Variants in FAXC observed in about 807,000 individuals in gnomAD.
The protein encoded by FAXC is failed axon connections homolog, metaxin like GST domain containing, also known as failed axon connections homolog.
A neutral mutation model predicts 41.9 loss-of-function variants in FAXC; 10 were observed. The ratio of observed to expected loss-of-function variants is 0.24; its 90% CI spans 0.15 to 0.41. FAXC has a LOEUF of 0.41. FAXC is among the 10% of genes least tolerant of loss of function. The pLI is 1.00. For missense variants in FAXC, 399 were observed against 510.9 expected (o/e 0.78, Z 2.11); for synonymous variants, 183 against 183.8 (o/e 1.00, Z 0.03).
intron 2 of FAXC, among the ~76,000 whole-genome samples, chr6:99,334,904 T>C (rs1582682109): frequency 6.6e-6 from 1 of 152,156 alleles, no homozygotes. Flanking sequence ...GTCTCCTAAT[T>C]CCAGCTACCC....
At chr6:99,329,317 T>C (rs571530748) in intron 3 of FAXC, among the ~76,000 whole-genome samples, 2 of 152,250 alleles carry the variant, frequency 1.3e-5, no homozygotes, top group African/African-American at 4.8e-5. Context: ...TGTTTACAGG[T>C]GAACAAGAAA....
intron 4 of FAXC, among the ~76,000 whole-genome samples, chr6:99,311,097 T>C (rs1231812040): frequency 6.6e-6 from 1 of 152,256 alleles, no homozygotes; most frequent in Admixed American, 6.5e-5. Flanking sequence ...TAACAATGGA[T>C]GTAGAGTAGT....
chr6:99,309,360 T>C (rs939425971), intron 4 of FAXC, among the ~76,000 whole-genome samples: 3 of 152,206 alleles, frequency 2.0e-5, no homozygotes, highest in Non-Finnish European at 4.4e-5. Context: ...CTGTCAGAAT[T>C]GTAGCAATCC....
At chr6:99,328,308 A>C (rs748441852) in intron 3 of FAXC, among the ~76,000 whole-genome samples, 1 of 152,214 alleles carries the variant, frequency 6.6e-6, no homozygotes, top group Admixed American at 6.5e-5. Flanking sequence ...ATAAGGGCAG[A>C]GCCCTCATAA....
At chr6:99,293,950 T>C (rs1256085404) in intron 4 of FAXC, among the ~76,000 whole-genome samples, 1 of 151,846 alleles carries the variant, frequency 6.6e-6, no homozygotes, top group East Asian at 1.9e-4. Flanking sequence ...GAGGGGGAAA[T>C]GGCTGGAGGT....
chr6:99,344,435 A>AG (rs1773526558), intron 1 of FAXC, among the ~76,000 whole-genome samples: 4 of 151,916 alleles, frequency 2.6e-5, no homozygotes, highest in Admixed American at 1.3e-4. Context: ...CCTTCTTTCT[A>AG]CCTAAGCAAG....
chr6:99,314,147 AC>A (rs1001629688), intron 4 of FAXC, among the ~76,000 whole-genome samples: 4 of 152,062 alleles, frequency 2.6e-5, no homozygotes, highest in Admixed American at 6.6e-5. Context: ...AACTATAGAC[AC>A]GTGCCCCCAC....
chr6:99,314,148 C>T (rs1383931655), intron 4 of FAXC, among the ~76,000 whole-genome samples: 2 of 152,058 alleles, frequency 1.3e-5, no homozygotes, highest in East Asian at 1.9e-4. Context: ...ACTATAGACA[C>T]GTGCCCCCAC....
chr6:99,302,049 G>A (rs1054268200), intron 4 of FAXC, among the ~76,000 whole-genome samples: 10 of 152,346 alleles, frequency 6.6e-5, no homozygotes, highest in East Asian at 1.9e-4. Flanking sequence ...TCTGCTCAAG[G>A]TGTCTCACAG....
intron 3 of FAXC, among the ~76,000 whole-genome samples, chr6:99,324,276 A>G (rs1193971283): frequency 6.6e-6 from 1 of 152,092 alleles, no homozygotes; most frequent in African/African-American, 2.4e-5. Context: ...ATGTTGCCCA[A>G]GCTGGACTCT....
At chr6:99,333,313 T>C (rs760701527) in intron 3 of FAXC, 38 bp downstream of exon 3, 1 of 1,513,750 alleles carries the variant, frequency 6.6e-7, no homozygotes, top group Non-Finnish European at 8.9e-7. Context: ...ACCTGGGGCT[T>C]ACTTCGAAAG....
chr6:99,323,463 C>A lies in FAXC; in HGVS notation c.804G>T (p.Arg268=). The change falls in exon 4 of 6, where the codon CGG becomes CGT. Residue 268 remains arginine, a synonymous_variant. Coordinates refer to ENST00000389677, the MANE Select transcript of FAXC (RefSeq NM_032511.4). ...CATTACCCAAAAGCCCTGCTAAAGA[C>A]CGCATGTCCTTCTCCATCAGCATGT... ...EIYMLMEKDM[R]SLAGLLGDKK... is the part of the protein sequence containing the mutation. 1 of 1,614,196 alleles carries A rather than the reference C, an allele frequency of 6.2e-7. No homozygotes were observed. The highest frequency in any genetic ancestry group is 8.5e-7 in the Non-Finnish European group (1 of 1,180,008).
At chr6:99,348,646 G>A (rs1171309513) in intron 1 of FAXC, among the ~76,000 whole-genome samples, 1 of 152,180 alleles carries the variant, frequency 6.6e-6, no homozygotes, top group Non-Finnish European at 1.5e-5. Context: ...GCAGGTTTCT[G>A]GAGCTTTTGC....
At position 99,315,232 on chromosome 6, in the gene FAXC, T is replaced by TAAAA. The variant is rs1174982279; in HGVS notation, c.823+8208_823+8211dup. ...TGGGCAACTGAGCAACACTCCATCTTAAAAAAAAAAAAAAAAAAAAAAAAA... is the reference window on the plus strand; with the variant it reads ...TGGGCAACTGAGCAACACTCCATCTTAAAAAAAAAAAAAAAAAAAAAAAAAAAAA... On this transcript the variant is annotated intron_variant, in intron 4 of 5. Coordinates refer to ENST00000389677, the MANE Select transcript of FAXC (RefSeq NM_032511.4). Among the ~76,000 whole-genome samples the TAAAA allele has an allele frequency of 6.3e-3, 255 of 40,490 alleles. 29 individuals are homozygous for TAAAA. In the East Asian group the frequency reaches 0.064, roughly 10 times the overall value. 26.6% of individuals were successfully genotyped at this position (40,490 alleles called of 152,430 possible). A position where few individuals can be genotyped will look rare whatever the true frequency, so the allele number is the denominator to read the frequency against.
intron 4 of FAXC, among the ~76,000 whole-genome samples, chr6:99,305,617 C>A (rs1274779750): frequency 6.6e-6 from 1 of 151,300 alleles, no homozygotes; most frequent in African/African-American, 2.4e-5. Flanking sequence ...CTCACCAAAC[C>A]CATGAGAATA....
Position 99,349,399 on chromosome 6 carries a change from TC to T in FAXC, c.-28del. The T allele has an allele frequency of 6.4e-7, 1 of 1,568,782 alleles. No individual in the cohort carries two copies. The highest frequency in any genetic ancestry group is 8.6e-7 in the Non-Finnish European group (1 of 1,159,760). Reference sequence around the variant, plus strand: ...CTGCGCGGCTGGCTCCGGGCGCCCCTCCCAGGGCCCGCGCCGCCCGCATGGG... The same window carrying T: ...CTGCGCGGCTGGCTCCGGGCGCCCCTCCAGGGCCCGCGCCGCCCGCATGGG... On this transcript the variant is annotated 5_prime_UTR_variant, in exon 1 of 6. Coordinates refer to ENST00000389677, the MANE Select transcript of FAXC (RefSeq NM_032511.4).
chr6:99,309,210 G>GA (rs973685807), intron 4 of FAXC, among the ~76,000 whole-genome samples: 7 of 149,044 alleles, frequency 4.7e-5, no homozygotes, highest in Non-Finnish European at 8.9e-5. Flanking sequence ...TCTTGTAAGG[G>GA]TTTTTTTTTT....
At position 99,280,693 on chromosome 6, in the gene FAXC, T is replaced by A. The variant is rs764705587; in HGVS notation, c.*471A>T. On this transcript the variant is annotated 3_prime_UTR_variant, in exon 6 of 6. Coordinates refer to ENST00000389677, the MANE Select transcript of FAXC (RefSeq NM_032511.4). ...ATATCTGTGGATTTTATTTGACTTATGTCTCAACATACAATATACACACAT... is the reference window on the plus strand; with the variant it reads ...ATATCTGTGGATTTTATTTGACTTAAGTCTCAACATACAATATACACACAT... 2 of 167,536 alleles carry A rather than the reference T, an allele frequency of 1.2e-5. No individual in the cohort carries two copies. Among genetic ancestry groups the A allele is most frequent in the African/African-American group, 4.8e-5 (2 of 41,740 alleles). 10.4% of individuals were successfully genotyped at this position (167,536 alleles called of 1,614,324 possible).
chr6:99,332,686 G>T (rs1330027894), intron 3 of FAXC, among the ~76,000 whole-genome samples: 1 of 152,188 alleles, frequency 6.6e-6, no homozygotes, highest in Non-Finnish European at 1.5e-5. Context: ...CCAGAAAGGA[G>T]TAGTATGCTT....
Sources: allele counts gnomAD v4.1 joint callset (sites outside exome capture counted in the v4.1 genomes callset), GRCh38; gene constraint gnomAD v4.1.1; transcripts MANE v1.5; gene names NCBI Gene and HGNC (gene_info 2026-07-23, HGNC 2026-07-21).